Variants in STK39 observed in about 807,000 individuals in gnomAD.
STK39 encodes STE20/SPS1-related proline-alanine-rich protein kinase.
STK39 carries 20 observed loss-of-function variants against 77.8 expected under a neutral mutation model. That is an observed-to-expected ratio of 0.26 (90% CI 0.18 to 0.37). The LOEUF (loss-of-function observed/expected upper bound fraction) is 0.37, where lower values mean the gene tolerates loss of function less well. Among genes scored for constraint, STK39 ranks in the 10% least tolerant of loss-of-function variants. The probability of loss-of-function intolerance (pLI) is 1.00; values close to 1 mark genes in which losing one functional copy is unlikely to be tolerated. For synonymous variants in STK39, 246 were observed against 234.1 expected, an observed-to-expected ratio of 1.05 and a Z score of -0.47; for missense variants, 479 against 656.5, an observed-to-expected ratio of 0.73 and a Z score of 2.95.
rs377147692 is a variant in STK39, at chr2:167,998,046, T to C, written c.1498+14588A>G. 1.3e-3 allele frequency among the ~76,000 whole-genome samples: 192 copies of C among 152,230 alleles called. 1 individual carries two copies. The highest frequency in any genetic ancestry group is 4.1e-3 in the African/African-American group (169 of 41,528). On this transcript the variant is annotated intron_variant, in intron 16 of 17. Coordinates refer to ENST00000355999, the MANE Select transcript of STK39 (RefSeq NM_013233.3). ...TTTGTTACCTCTACTCCTCAAAAGA[T>C]TGGAAAGCTCTTTCCCTTAAAAGAA...
At chr2:167,967,265 C>T (rs1467375803) in intron 16 of STK39, among the ~76,000 whole-genome samples, 1 of 152,172 alleles carries the variant, frequency 6.6e-6, no homozygotes, top group Non-Finnish European at 1.5e-5. Context: ...GTGCTATCTT[C>T]TTTGAACTAG....
At chr2:168,035,940 A>G (rs1684941130) in intron 14 of STK39, among the ~76,000 whole-genome samples, 1 of 152,192 alleles carries the variant, frequency 6.6e-6, no homozygotes, top group South Asian at 2.1e-4. Flanking sequence ...CACTTATACT[A>G]TAAAGCAAGC....
intron 10 of STK39, among the ~76,000 whole-genome samples, chr2:168,117,102 C>G (rs1489202737): frequency 6.6e-6 from 1 of 152,154 alleles, no homozygotes; most frequent in Non-Finnish European, 1.5e-5. Context: ...CTAATAATAT[C>G]TAACCATTCC....
chr2:168,034,128 C>T (rs1684894176), intron 14 of STK39, among the ~76,000 whole-genome samples: 1 of 152,182 alleles, frequency 6.6e-6, no homozygotes, highest in Non-Finnish European at 1.5e-5. Flanking sequence ...ACCCAACATA[C>T]ATAACAAGAT....
chr2:167,982,384 C>A (rs1312135530), intron 16 of STK39, among the ~76,000 whole-genome samples: 2 of 152,106 alleles, frequency 1.3e-5, no homozygotes, highest in Non-Finnish European at 2.9e-5. Context: ...ACAGTTATAG[C>A]ACTGACCCCT....
At chr2:168,117,461 C>A (rs140742052) in intron 10 of STK39, among the ~76,000 whole-genome samples, 3 of 152,140 alleles carry the variant, frequency 2.0e-5, no homozygotes, top group African/African-American at 7.2e-5. Flanking sequence ...CCATGCTCCA[C>A]AAGAATTGAT....
chr2:168,026,690 T>C (rs1043711230), intron 14 of STK39, among the ~76,000 whole-genome samples: 3 of 152,196 alleles, frequency 2.0e-5, no homozygotes, highest in African/African-American at 2.4e-5. Context: ...GTTATACCCC[T>C]GCACTCAGTT....
At chr2:167,970,035 C>T (rs1241815375) in intron 16 of STK39, among the ~76,000 whole-genome samples, 1 of 152,178 alleles carries the variant, frequency 6.6e-6, no homozygotes, top group Non-Finnish European at 1.5e-5. Context: ...TTGCCCAGAA[C>T]CTCTGTACCT....
chr2:168,140,097 T>G (rs1488143042), intron 7 of STK39, among the ~76,000 whole-genome samples, 192 bp downstream of exon 7: 1 of 152,238 alleles, frequency 6.6e-6, no homozygotes, highest in African/African-American at 2.4e-5. Context: ...AAAGCAAGCT[T>G]CAAAGCTGGG....
At chr2:168,078,955 C>T (rs1686154893) in intron 10 of STK39, among the ~76,000 whole-genome samples, 1 of 152,174 alleles carries the variant, frequency 6.6e-6, no homozygotes, top group Non-Finnish European at 1.5e-5. Context: ...CTCACGTCCA[C>T]CTATCAAGAA....
chr2:168,170,276 T>A (rs1310164874), intron 2 of STK39, among the ~76,000 whole-genome samples: 3 of 152,240 alleles, frequency 2.0e-5, no homozygotes, highest in Non-Finnish European at 4.4e-5. Context: ...CTAACCGCAT[T>A]CATATGGTTA....
chr2:168,054,777 CAAAAA>C (rs5836168), intron 14 of STK39, among the ~76,000 whole-genome samples: 1 of 149,072 alleles, frequency 6.7e-6, no homozygotes, highest in Admixed American at 6.7e-5. Context: ...TTGAAAAAAA[CAAAAA>C]AAAAAACTCA....
chr2:168,029,727 T>C (rs140995337), intron 14 of STK39, among the ~76,000 whole-genome samples: 8 of 152,284 alleles, frequency 5.3e-5, no homozygotes, highest in Non-Finnish European at 1.2e-4. Flanking sequence ...TTTGAAGGGG[T>C]CTGAAAGTCT....
chr2:168,004,732 C>CAAAA (rs529234296), intron 16 of STK39, among the ~76,000 whole-genome samples: 1 of 93,788 alleles, frequency 1.1e-5, no homozygotes, highest in Non-Finnish European at 2.4e-5. Flanking sequence ...GACTCCATCT[C>CAAAA]AAAAAAAAAA....
intron 1 of STK39, among the ~76,000 whole-genome samples, chr2:168,184,070 T>G (rs1202212609): frequency 1.3e-5 from 2 of 152,128 alleles, no homozygotes; most frequent in African/African-American, 2.4e-5. Context: ...CCATCCTTAA[T>G]CTACATTCCA....
intron 12 of STK39, among the ~76,000 whole-genome samples, chr2:168,068,922 A>T (rs1195376906): frequency 1.3e-5 from 2 of 150,548 alleles, no homozygotes; most frequent in Non-Finnish European, 1.5e-5. Flanking sequence ...TCGTAGAAAT[A>T]TTTTTTTTTT....
intron 5 of STK39, among the ~76,000 whole-genome samples, chr2:168,157,933 A>T (rs1388162105): frequency 1.3e-5 from 2 of 152,222 alleles, no homozygotes; most frequent in African/African-American, 2.4e-5. Flanking sequence ...TATTTTTTTT[A>T]AATCTTAGAT....
chr2:168,233,133 C>T (rs1381635007), intron 1 of STK39, among the ~76,000 whole-genome samples: 1 of 152,138 alleles, frequency 6.6e-6, no homozygotes, highest in Non-Finnish European at 1.5e-5. Flanking sequence ...TTCTTACGTT[C>T]ATCCTAATGA....
intron 1 of STK39, among the ~76,000 whole-genome samples, chr2:168,210,157 C>A (rs1307258434): frequency 2.6e-5 from 4 of 152,232 alleles, no homozygotes; most frequent in Non-Finnish European, 5.9e-5. Context: ...CTGAAGACAT[C>A]CATTGATAAA....
Sources: allele counts gnomAD v4.1 joint callset (sites outside exome capture counted in the v4.1 genomes callset), GRCh38; gene constraint gnomAD v4.1.1; transcripts MANE v1.5; gene names NCBI Gene and HGNC (gene_info 2026-07-23, HGNC 2026-07-21).